PNMA8B: variants seen among roughly 807,000 people sequenced by gnomAD.
PNMA8B encodes PNMA family member 8B, also known as paraneoplastic antigen-like protein 8B.
For synonymous variants in PNMA8B, 386 were observed against 394.9 expected, an observed-to-expected ratio of 0.98 and a Z score of 0.27; for missense variants, 887 against 885.8, an observed-to-expected ratio of 1.00 and a Z score of -0.02.
chr19:46,493,402 G>C lies in PNMA8B; in HGVS notation c.*156C>G. ...CCCCGGCCTGCGAGGGCCCGAGAGGGGAACGTGACGCTGGCAAAACGCGGC... is the reference window on the plus strand; with the variant it reads ...CCCCGGCCTGCGAGGGCCCGAGAGGCGAACGTGACGCTGGCAAAACGCGGC... On this transcript the variant is annotated 3_prime_UTR_variant, in exon 1 of 1. Coordinates refer to ENST00000599531, the MANE Select transcript of PNMA8B (RefSeq NM_020709.3). The surrounding 1 kb of genome is among the most constrained non-coding windows in gnomAD (Gnocchi z 5.3). 1 of 458,630 alleles carries C rather than the reference G, an allele frequency of 2.2e-6. No individual in the cohort carries two copies. Among genetic ancestry groups the C allele is most frequent in the Non-Finnish European group, 3.6e-6 (1 of 279,956 alleles). The allele number at this position is 458,630 out of a possible 1,614,324, so 28.4% of individuals were successfully genotyped here.
In PNMA8B at chr19:46,492,039, C is replaced by T. The variant is rs1302074414; in HGVS notation, c.*1519G>A. On this transcript the variant is annotated 3_prime_UTR_variant, in exon 1 of 1. Coordinates refer to ENST00000599531, the MANE Select transcript of PNMA8B (RefSeq NM_020709.3). ...TCACTGTCCAGGGACAGCCTCCAAG[C>T]AGAGGGGAGCACCCACGCCCTGCAG... is the stretch of plus-strand genomic sequence containing the variant. The T allele has an allele frequency of 9.7e-6, 3 of 308,826 alleles. No homozygotes were observed. The highest frequency in any genetic ancestry group is 2.1e-5 in the Non-Finnish European group (3 of 145,760). The allele number at this position is 308,826 out of a possible 1,614,324, so 19.1% of individuals were successfully genotyped here. A position where few individuals can be genotyped will look rare whatever the true frequency, so the allele number is the denominator to read the frequency against.
Position 46,493,844 on chromosome 19 carries a change from G to T in PNMA8B, c.1622C>A (p.Ala541Asp). 6.8e-7 allele frequency: 1 copy of T among 1,470,996 alleles called. No homozygotes were observed. The highest frequency in any genetic ancestry group is 1.4e-5 in the South Asian group (1 of 69,870). The allele number at this position is 1,470,996 out of a possible 1,614,324, so 91.1% of individuals were successfully genotyped here. Reference sequence around the variant, plus strand: ...GCCGGCCGGAGTCAGGCCCCTGGGGGCCGTGCGCGCCCTCTTGGCCCGGGG... The same window carrying T: ...GCCGGCCGGAGTCAGGCCCCTGGGGTCCGTGCGCGCCCTCTTGGCCCGGGG... ...RKPRAKRART[A>D]PRGLTPAGAP... The change falls in exon 1 of 1, where the codon GCC becomes GAC. Residue 541 changes from alanine (A) to aspartate (D), a missense_variant. By Grantham distance (126) the Ala-to-Asp change is moderately radical. Coordinates refer to ENST00000599531, the MANE Select transcript of PNMA8B (RefSeq NM_020709.3). This position sits in a 1 kb window ranked among gnomAD's most constrained non-coding sequence, Gnocchi z 5.3.
chr19:46,495,175 C>T lies in PNMA8B; in HGVS notation c.291G>A (p.Ala97=), dbSNP rs768465930. Residue 97 remains alanine (A), a synonymous_variant, in exon 1 of 1, where the codon GCG becomes GCA. Coordinates refer to ENST00000599531, the MANE Select transcript of PNMA8B (RefSeq NM_020709.3). ...GVWRVLWKDR[A]QDTRVLRQMR... is the part of the protein sequence containing the mutation. ...TCTGCCTCAGGACCCTCGTGTCCTG[C>T]GCACGGTCCTTCCACAGAACCCTCC... is the stretch of plus-strand genomic sequence containing the variant. 6.2e-7 allele frequency: 1 copy of T among 1,613,914 alleles called. No homozygotes were observed. Among genetic ancestry groups the T allele is most frequent in the East Asian group, 2.2e-5 (1 of 44,872 alleles).
chr19:46,493,477 G>T lies in PNMA8B; in HGVS notation c.*81C>A. ...ATTGCGTCTGCGGAGGACAGGAAGA[G>T]GGGAGGGGAGGGCGGGGGCCACAGG... On this transcript the variant is annotated 3_prime_UTR_variant, in exon 1 of 1. Coordinates refer to ENST00000599531, the MANE Select transcript of PNMA8B (RefSeq NM_020709.3). The surrounding 1 kb of genome is among the most constrained non-coding windows in gnomAD (Gnocchi z 5.3). 1 of 880,354 alleles carries T rather than the reference G, an allele frequency of 1.1e-6. No homozygotes were observed. The highest frequency in any genetic ancestry group is 1.5e-6 in the Non-Finnish European group (1 of 651,672). 54.5% of individuals were successfully genotyped at this position (880,354 alleles called of 1,614,324 possible).
rs147338403 is a variant in PNMA8B, at chr19:46,493,759, C to CCGGCCT, written c.1701_1706dup (p.Arg569_Gly570dup). On this transcript the variant is annotated inframe_insertion, in exon 1 of 1. Coordinates refer to ENST00000599531, the MANE Select transcript of PNMA8B (RefSeq NM_020709.3). The surrounding 1 kb of genome is among the most constrained non-coding windows in gnomAD (Gnocchi z 5.3). Reference sequence around the variant, plus strand: ...CGGCTTTCTTCTCGGGAGTGACGCCCCGGCCTCGGCCTCGGCCGCCCGCGC... The same window carrying CCGGCCT: ...CGGCTTTCTTCTCGGGAGTGACGCCCCGGCCTCGGCCTCGGCCTCGGCCGCCCGCGC... 0.14 allele frequency: 193,079 copies of CCGGCCT among 1,407,632 alleles called. 13,755 individuals are homozygous for CCGGCCT. Among genetic ancestry groups the CCGGCCT allele is most frequent in the Non-Finnish European group, 0.15 (166,510 of 1,085,014 alleles). 87.2% of individuals were successfully genotyped at this position (1,407,632 alleles called of 1,614,324 possible).
Position 46,493,704 on chromosome 19 carries a change from C to A in PNMA8B, c.1762G>T (p.Ala588Ser), listed in dbSNP as rs994297919. 4 of 1,534,588 alleles carry A rather than the reference C, an allele frequency of 2.6e-6. No individual in the cohort carries two copies. In the African/African-American group the frequency reaches 4.3e-5, roughly 16 times the overall value. The change falls in exon 1 of 1, where the codon GCA (alanine) becomes TCA (serine). Residue 588 changes from alanine (A) to serine (S), a missense_variant. Ala to Ser is a moderately conservative substitution (Grantham distance 99, BLOSUM62 1). Transcript: ENST00000599531. This position sits in a 1 kb window ranked among gnomAD's most constrained non-coding sequence, Gnocchi z 5.3. ...CTCCCCTTCTTCTTCCTGCTTCCTG[C>A]GGCGTCGTCCTGGGCCGAGCCCCGG... is the stretch of plus-strand genomic sequence containing the variant. ...GSRGSAQDDAAGSRKKKGSAG... is the reference protein window; with the variant it reads ...GSRGSAQDDASGSRKKKGSAG...
In PNMA8B at chr19:46,492,028, C is replaced by T; in HGVS notation, c.*1530G>A. The stretch of plus-strand genomic sequence containing the variant: ...CAGTGGGTGGGTCACTGTCCAGGGA[C>T]AGCCTCCAAGCAGAGGGGAGCACCC... On this transcript the variant is annotated 3_prime_UTR_variant, in exon 1 of 1. Coordinates refer to ENST00000599531, the MANE Select transcript of PNMA8B (RefSeq NM_020709.3). 1 of 292,532 alleles carries T rather than the reference C, an allele frequency of 3.4e-6. No individual in the cohort carries two copies. The highest frequency in any genetic ancestry group is 2.7e-5 in the South Asian group (1 of 37,158). The allele number at this position is 292,532 out of a possible 1,614,324, so 18.1% of individuals were successfully genotyped here. A position where few individuals can be genotyped will look rare whatever the true frequency, so the allele number is the denominator to read the frequency against.
Position 46,495,475 on chromosome 19 carries a change from C to T in PNMA8B, c.-10G>A. 6.3e-7 allele frequency: 1 copy of T among 1,588,328 alleles called. No homozygotes were observed. The highest frequency in any genetic ancestry group is 1.7e-5 in the Admixed American group (1 of 58,274). The stretch of plus-strand genomic sequence containing the variant: ...AAAGGCTCATGGCCATGGTGCAGCC[C>T]CCTTGGCGCTGATCTTGGGGCAGCA... On this transcript the variant is annotated 5_prime_UTR_variant, in exon 1 of 1. Transcript: ENST00000599531.
Position 46,495,056 on chromosome 19 carries a change from G to C in PNMA8B, c.410C>G (p.Ala137Gly). Residue 137 changes from alanine to glycine, a missense_variant, in exon 1 of 1, where the codon GCC becomes GGC. Ala to Gly is a moderately conservative substitution (Grantham distance 60). Coordinates refer to ENST00000599531, the MANE Select transcript of PNMA8B (RefSeq NM_020709.3). ...CCCTGTTACCTCCCCAGAATCCTGG[G>C]CCTGCGTCTCCGAAGCGGGAGGGGT... Reference protein sequence around the residue: ...APTPPASETQAQDSGEVTGQA... With the variant: ...APTPPASETQGQDSGEVTGQA... The C allele has an allele frequency of 1.2e-6, 2 of 1,611,414 alleles. No individual in the cohort carries two copies. Among genetic ancestry groups the C allele is most frequent in the Non-Finnish European group, 1.7e-6 (2 of 1,179,810 alleles).
rs977220280 is a variant in PNMA8B, at chr19:46,494,883, C to T, written c.583G>A (p.Glu195Lys). 6 of 1,612,614 alleles carry T rather than the reference C, an allele frequency of 3.7e-6. No homozygotes were observed. In the Admixed American group the frequency reaches 6.7e-5, roughly 18 times the overall value. The change falls in exon 1 of 1, where the codon GAG becomes AAG. Residue 195 changes from glutamate (E) to lysine (K), a missense_variant. Transcript: ENST00000599531. Reference sequence around the variant, plus strand: ...CCCAGGCTCTCGTCGGAAGAGTCCTCGGCCTCACTCCTCGCGGGAGCAGAC... The same window carrying T: ...CCCAGGCTCTCGTCGGAAGAGTCCTTGGCCTCACTCCTCGCGGGAGCAGAC... ...RPSAPARSEA[E>K]DSSDESLGIV...
In PNMA8B at chr19:46,491,667, G is replaced by T. The variant is rs1371187762; in HGVS notation, c.*1891C>A. ...GGCTCAGATCTGCAAGGGGTGAGAT[G>T]ATGCTGGGGGGTAGGGAGAGCCAGG... On this transcript the variant is annotated 3_prime_UTR_variant, in exon 1 of 1. Coordinates refer to ENST00000599531, the MANE Select transcript of PNMA8B (RefSeq NM_020709.3). 6.5e-6 allele frequency: 1 copy of T among 153,194 alleles called. No homozygotes were observed. Among genetic ancestry groups the T allele is most frequent in the Non-Finnish European group, 1.5e-5 (1 of 68,920 alleles). The allele number at this position is 153,194 out of a possible 1,614,324, so 9.5% of individuals were successfully genotyped here.
Position 46,493,366 on chromosome 19 carries a change from A to C in PNMA8B, c.*192T>G. The C allele has an allele frequency of 2.5e-6, 1 of 407,948 alleles. No homozygotes were observed. 25.3% of individuals were successfully genotyped at this position (407,948 alleles called of 1,614,324 possible). On this transcript the variant is annotated 3_prime_UTR_variant, in exon 1 of 1. Transcript: ENST00000599531. The surrounding 1 kb of genome is among the most constrained non-coding windows in gnomAD (Gnocchi z 5.3). Reference sequence around the variant, plus strand: ...TCCCATCCGGGCTTCCTCCGTCGGGATCGCTGGCGCCCCCGGCCTGCGAGG... The same window carrying C: ...TCCCATCCGGGCTTCCTCCGTCGGGCTCGCTGGCGCCCCCGGCCTGCGAGG...
rs1970029741 is a variant in PNMA8B, at chr19:46,493,187, AGCGCCACGAAGAGCCCT to A, written c.*354_*370del. On this transcript the variant is annotated 3_prime_UTR_variant, in exon 1 of 1. Coordinates refer to ENST00000599531, the MANE Select transcript of PNMA8B (RefSeq NM_020709.3). This position sits in a 1 kb window ranked among gnomAD's most constrained non-coding sequence, Gnocchi z 5.3. ...GCACCTGCCAGGCGCAGGCCCCGAGAGCGCCACGAAGAGCCCTGCTCGCCTCTGCAGGTGCCCGGCGT... is the reference window on the plus strand; with the variant it reads ...GCACCTGCCAGGCGCAGGCCCCGAGAGCTCGCCTCTGCAGGTGCCCGGCGT... 5.4e-6 allele frequency: 1 copy of A among 186,668 alleles called. No individual in the cohort carries two copies. The highest frequency in any genetic ancestry group is 2.3e-5 in the African/African-American group (1 of 42,834). 11.6% of individuals were successfully genotyped at this position (186,668 alleles called of 1,614,324 possible).
chr19:46,493,711 G>T lies in PNMA8B; in HGVS notation c.1755C>A (p.Asp585Glu). 1 of 1,515,296 alleles carries T rather than the reference G, an allele frequency of 6.6e-7. No individual in the cohort carries two copies. The highest frequency in any genetic ancestry group is 2.7e-5 in the East Asian group (1 of 37,358). 93.9% of individuals were successfully genotyped at this position (1,515,296 alleles called of 1,614,324 possible). A position where few individuals can be genotyped will look rare whatever the true frequency, so the allele number is the denominator to read the frequency against. Residue 585 changes from aspartate (D) to glutamate (E), a missense_variant, in exon 1 of 1, where the codon GAC (aspartate) becomes GAA (glutamate). Physicochemically the swap from Asp to Glu is conservative, Grantham distance 45. Coordinates refer to ENST00000599531, the MANE Select transcript of PNMA8B (RefSeq NM_020709.3). This position sits in a 1 kb window ranked among gnomAD's most constrained non-coding sequence, Gnocchi z 5.3. ...TCTTCTTCCTGCTTCCTGCGGCGTCGTCCTGGGCCGAGCCCCGGCTCCCGG... is the reference window on the plus strand; with the variant it reads ...TCTTCTTCCTGCTTCCTGCGGCGTCTTCCTGGGCCGAGCCCCGGCTCCCGG... ...KKAGSRGSAQDDAAGSRKKKG... is the reference protein window; with the variant it reads ...KKAGSRGSAQEDAAGSRKKKG...
At position 46,494,036 on chromosome 19, in the gene PNMA8B, T is replaced by C. The variant is rs1223456591; in HGVS notation, c.1430A>G (p.Tyr477Cys). 1.2e-6 allele frequency: 2 copies of C among 1,613,606 alleles called. No individual in the cohort carries two copies. Among genetic ancestry groups the C allele is most frequent in the East Asian group, 4.5e-5 (2 of 44,862 alleles). Residue 477 changes from tyrosine (Y) to cysteine (C), a missense_variant, in exon 1 of 1, where the codon TAC becomes TGC. Coordinates refer to ENST00000599531, the MANE Select transcript of PNMA8B (RefSeq NM_020709.3). ...EKENAWEGGK[Y>C]KYPKGKLGEV... ...CCCCAGTTTGCCTTTGGGGTATTTG[T>C]ACTTCCCGCCTTCCCAGGCGTTTTC... is the stretch of plus-strand genomic sequence containing the variant.
chr19:46,493,565 C>T lies in PNMA8B; in HGVS notation c.1901G>A (p.Cys634Tyr), dbSNP rs1970037742. The change falls in exon 1 of 1, where the codon TGC becomes TAC. Residue 634 changes from cysteine (C) to tyrosine (Y), a missense_variant. Physicochemically the swap from Cys to Tyr is radical, Grantham distance 194. Transcript: ENST00000599531. The surrounding 1 kb of genome is among the most constrained non-coding windows in gnomAD (Gnocchi z 5.3). ...CGGCTTCTTGGGGGGCCACTAGCGG[C>T]ATTTAGGGGGCAGCCTCCGGCCCCG... ...ARRGRRLPPK[C>Y]R is the part of the protein sequence containing the mutation. 1.4e-6 allele frequency: 2 copies of T among 1,390,076 alleles called. No individual in the cohort carries two copies. Among genetic ancestry groups the T allele is most frequent in the Non-Finnish European group, 1.9e-6 (2 of 1,076,570 alleles). 86.1% of individuals were successfully genotyped at this position (1,390,076 alleles called of 1,614,324 possible).
In PNMA8B at chr19:46,493,601, T is replaced by C. The variant is rs763381522; in HGVS notation, c.1865A>G (p.Lys622Arg). ...CAGCCTCCGGCCCCGACGGGCCTTC[T>C]TCCCGCGCGCGGCCTTGGATCCAGT... ...APTGSKAARG[K>R]KARRGRRLPP... Residue 622 changes from lysine to arginine, a missense_variant, in exon 1 of 1, where the codon AAG becomes AGG. Coordinates refer to ENST00000599531, the MANE Select transcript of PNMA8B (RefSeq NM_020709.3). This position sits in a 1 kb window ranked among gnomAD's most constrained non-coding sequence, Gnocchi z 5.3. 1.1e-5 allele frequency: 17 copies of C among 1,491,272 alleles called. No homozygotes were observed. In the East Asian group the frequency reaches 1.6e-4, roughly 14 times the overall value. 92.4% of individuals were successfully genotyped at this position (1,491,272 alleles called of 1,614,324 possible).
At position 46,495,361 on chromosome 19, in the gene PNMA8B, G is replaced by A. The variant is rs748989042; in HGVS notation, c.105C>T (p.Val35=). The part of the protein sequence containing the change: ...GIPEGLEQAD[V]EAVLQPTLLP... ...GGAGGGTCGGCTGCAGGACGGCTTC[G>A]ACGTCTGCCTGCTCCAGGCCCTCCG... The change falls in exon 1 of 1, where the codon GTC becomes GTT. Residue 35 remains valine (V), a synonymous_variant. Coordinates refer to ENST00000599531, the MANE Select transcript of PNMA8B (RefSeq NM_020709.3). The A allele has an allele frequency of 1.5e-5, 19 of 1,294,322 alleles. No individual in the cohort carries two copies. The South Asian group carries it at 1.5e-4, about 10-fold the overall frequency. 80.2% of individuals were successfully genotyped at this position (1,294,322 alleles called of 1,614,324 possible). A position where few individuals can be genotyped will look rare whatever the true frequency, so the allele number is the denominator to read the frequency against.
rs4803967 is a variant in PNMA8B at position 46,494,979 on chromosome 19, C to A, written c.487G>T (p.Gly163Cys). ...AARNPRRGRR[G>C]RRNRTRRNRL... ...TTGCGTCTGGTTCTGTTTCTGCGAC[C>A]CCGACGGCCCCTCCTTGGGTTCCTG... is the stretch of plus-strand genomic sequence containing the variant. Residue 163 changes from glycine to cysteine, a missense_variant, in exon 1 of 1, where the codon GGT becomes TGT. By Grantham distance (159) the Gly-to-Cys change is radical. Transcript: ENST00000599531. 6.2e-7 allele frequency: 1 copy of A among 1,608,706 alleles called. No homozygotes were observed. Among genetic ancestry groups the A allele is most frequent in the Non-Finnish European group, 8.5e-7 (1 of 1,179,824 alleles).
Sources: allele counts gnomAD v4.1 joint callset, GRCh38; gene constraint gnomAD v4.1.1; non-coding constraint Gnocchi (gnomAD v3.1); transcripts MANE v1.5; gene names NCBI Gene and HGNC (gene_info 2026-07-23, HGNC 2026-07-21).